Variants in ARFGEF2 observed in about 807,000 individuals in gnomAD.
ARFGEF2 encodes the protein brefeldin A-inhibited guanine nucleotide-exchange protein 2.
In ARFGEF2, 74 loss-of-function variants were observed where a neutral mutation model predicts 219.9. The observed-to-expected ratio is 0.34, with a 90% CI of 0.28 to 0.41. The LOEUF (loss-of-function observed/expected upper bound fraction) is 0.41, where lower values mean the gene tolerates loss of function less well. ARFGEF2 is among the 10% of genes least tolerant of loss of function. The probability of loss-of-function intolerance (pLI) is 1.00; values close to 1 mark genes in which losing one functional copy is unlikely to be tolerated. For missense variants in ARFGEF2, 1,743 were observed against 2,218.3 expected (o/e 0.79, Z 4.30); for synonymous variants, 733 against 799.2 (o/e 0.92, Z 1.40).
intron 6 of ARFGEF2, among the ~76,000 whole-genome samples, chr20:48,958,461 G>A (rs191589966): frequency 1.8e-3 from 279 of 151,270 alleles, no homozygotes; most frequent in Non-Finnish European, 2.8e-3. Flanking sequence ...TTTTGAGACG[G>A]AGTCTCGCTC....
At position 49,013,564 on chromosome 20, in the gene ARFGEF2, G is replaced by A; in HGVS notation, c.3919G>A (p.Val1307Met). Residue 1307 changes from valine (V) to methionine (M), a missense_variant and splice_region_variant, in exon 29 of 39, where the codon GTG becomes ATG. Physicochemically the swap from Val to Met is conservative, Grantham distance 21. This residue lies in a region of ARFGEF2 where 578 missense variants were observed against 664.0 expected (regional missense o/e 0.87). Coordinates refer to ENST00000371917, the MANE Select transcript of ARFGEF2 (RefSeq NM_006420.3). ...CCTGAGATGTGATTTTTCATCCTAG[G>A]TGCTACAAGAATACACAAGTGATGA... Reference protein sequence around the residue: ...CGKYVSERPRVLQEYTSDDMN... With the variant: ...CGKYVSERPRMLQEYTSDDMN... The A allele has an allele frequency of 1.9e-6, 3 of 1,614,020 alleles. No homozygotes were observed. The highest frequency in any genetic ancestry group is 2.5e-6 in the Non-Finnish European group (3 of 1,179,998).
chr20:49,015,878 C>T (rs1330057875), intron 30 of ARFGEF2, among the ~76,000 whole-genome samples: 1 of 152,158 alleles, frequency 6.6e-6, no homozygotes, highest in Non-Finnish European at 1.5e-5. Context: ...TTATGAATTA[C>T]TCTTAGCTCA....
chr20:49,017,202 C>A (rs372131294), intron 31 of ARFGEF2, 47 bp from the exon 32 acceptor site: 6 of 1,603,138 alleles, frequency 3.7e-6, no homozygotes, highest in Non-Finnish European at 5.1e-6. Context: ...TGGTTGGCAT[C>A]AAAATAGCAG....
intron 25 of ARFGEF2, among the ~76,000 whole-genome samples, chr20:49,002,315 T>A (rs2091430241): frequency 6.6e-6 from 1 of 152,200 alleles, no homozygotes; most frequent in African/African-American, 2.4e-5. Context: ...TCAGTAGTGT[T>A]AGGTACACTC....
chr20:48,975,491 T>G (rs2091255637), intron 13 of ARFGEF2, among the ~76,000 whole-genome samples: 1 of 152,114 alleles, frequency 6.6e-6, no homozygotes, highest in African/African-American at 2.4e-5. Flanking sequence ...TTTTACTCTT[T>G]CATGTGAATT....
rs776937023 is a variant in ARFGEF2 at position 48,998,244 on chromosome 20, G to A, written c.3262+11G>A. On this transcript the variant is annotated intron_variant, in intron 24 of 38. Coordinates refer to ENST00000371917, the MANE Select transcript of ARFGEF2 (RefSeq NM_006420.3). ...ATGGAAATGCAATAGGTATGTATTT[G>A]ACTTACCTGTGAAAACTGCAGAAGC... is the stretch of plus-strand genomic sequence containing the variant. 1.2e-6 allele frequency: 2 copies of A among 1,613,776 alleles called. No homozygotes were observed. Among genetic ancestry groups the A allele is most frequent in the Admixed American group, 3.3e-5 (2 of 60,008 alleles).
intron 26 of ARFGEF2, among the ~76,000 whole-genome samples, chr20:49,009,405 G>T (rs892431026): frequency 1.3e-5 from 2 of 151,330 alleles, no homozygotes; most frequent in African/African-American, 4.9e-5. Context: ...AGTCGAGGTC[G>T]CTCTACTGCA....
At chr20:49,012,528 T>C (rs2091506001) in intron 28 of ARFGEF2, among the ~76,000 whole-genome samples, 1 of 152,210 alleles carries the variant, frequency 6.6e-6, no homozygotes, top group Non-Finnish European at 1.5e-5. Flanking sequence ...TTGATGTGTC[T>C]CATCTTTCTA....
intron 23 of ARFGEF2, among the ~76,000 whole-genome samples, chr20:48,996,742 A>T (rs1206806518): frequency 1.6e-5 from 1 of 64,386 alleles, no homozygotes; most frequent in East Asian, 7.3e-4. Context: ...GACTCCGTCT[A>T]AAAAAAAAAA....
intron 5 of ARFGEF2, among the ~76,000 whole-genome samples, chr20:48,953,215 A>C (rs1302147099): frequency 9.1e-6 from 1 of 109,958 alleles, no homozygotes; most frequent in South Asian, 2.6e-4. Flanking sequence ...TTGTTCTGTT[A>C]TCCAAGCTGG....
intron 5 of ARFGEF2, among the ~76,000 whole-genome samples, chr20:48,953,165 T>TC (rs201270570): frequency 2.7e-4 from 40 of 147,174 alleles, no homozygotes; most frequent in African/African-American, 9.5e-4. Context: ...TTTCTTTCTT[T>TC]TTTTTTTTTT....
Position 48,960,293 on chromosome 20 carries a change from C to T in ARFGEF2, c.839-3537C>T, listed in dbSNP as rs546455167. Among the ~76,000 whole-genome samples the T allele has an allele frequency of 2.6e-5, 4 of 152,168 alleles. No homozygotes were observed. In the South Asian group the frequency reaches 8.3e-4, roughly 32 times the overall value. On this transcript the variant is annotated intron_variant, in intron 6 of 38. Coordinates refer to ENST00000371917, the MANE Select transcript of ARFGEF2 (RefSeq NM_006420.3). ...TATTTGAAAAAGTACAGTCACAATG[C>T]AGTACAAAAGATAAAAACTGATATA...
rs2091084380 is a variant in ARFGEF2 at position 48,953,452 on chromosome 20, A to G, written c.604-104A>G. ...CAGCCTTCCAAAGTGCTGAAATTATAGGCGTTAACCACCGCGCCCAGCCCA... is the reference window on the plus strand; with the variant it reads ...CAGCCTTCCAAAGTGCTGAAATTATGGGCGTTAACCACCGCGCCCAGCCCA... On this transcript the variant is annotated intron_variant, in intron 5 of 38. Transcript: ENST00000371917. 3 of 1,044,428 alleles carry G rather than the reference A, an allele frequency of 2.9e-6. No individual in the cohort carries two copies. In the Admixed American group the frequency reaches 5.2e-5, roughly 18 times the overall value. 64.7% of individuals were successfully genotyped at this position (1,044,428 alleles called of 1,614,324 possible). A position where few individuals can be genotyped will look rare whatever the true frequency, so the allele number is the denominator to read the frequency against.
rs1555810077 is a variant in ARFGEF2, at chr20:48,969,145, AGGAATC to A, written c.1062_1067del (p.Glu354_Ser355del). On this transcript the variant is annotated splice_acceptor_variant and coding_sequence_variant, in exon 9 of 39. Coordinates refer to ENST00000371917, the MANE Select transcript of ARFGEF2 (RefSeq NM_006420.3). LOFTEE classifies it high-confidence loss of function. ...CCAGCTGATGTTTGTTTCTGATCCT[AGGAATC>A]GGATGCACAAGGACATCAAGTGGCT... 1 of 1,613,912 alleles carries A rather than the reference AGGAATC, an allele frequency of 6.2e-7. No individual in the cohort carries two copies. The highest frequency in any genetic ancestry group is 8.5e-7 in the Non-Finnish European group (1 of 1,179,932).
chr20:48,963,962 A>C (rs2091171905), intron 7 of ARFGEF2, 64 bp downstream of exon 7: 6 of 1,496,554 alleles, frequency 4.0e-6, no homozygotes, highest in Non-Finnish European at 5.5e-6. Context: ...CCTCAGCAAA[A>C]TATTTTAGTG....
chr20:48,936,055 G>A (rs1435023845), intron 1 of ARFGEF2, among the ~76,000 whole-genome samples: 1 of 145,124 alleles, frequency 6.9e-6, no homozygotes, highest in Admixed American at 6.8e-5. Context: ...TCCCGCATGG[G>A]GCGGCTGGCC....
At chr20:49,003,033 T>C (rs1448555875) in intron 25 of ARFGEF2, among the ~76,000 whole-genome samples, 1 of 149,386 alleles carries the variant, frequency 6.7e-6, no homozygotes, top group Non-Finnish European at 1.5e-5. Flanking sequence ...AGTGGCACCA[T>C]TTTGGCTCAC....
intron 25 of ARFGEF2, among the ~76,000 whole-genome samples, chr20:49,002,771 A>G (rs980884904): frequency 6.7e-6 from 1 of 150,168 alleles, no homozygotes; most frequent in East Asian, 2.0e-4. Context: ...AGCCCTCCCA[A>G]GTAGCTGGGA....
Position 48,985,467 on chromosome 20 carries a change from C to G in ARFGEF2, c.2130C>G (p.Ala710=). ...GGTTCAACAAGGAGGTGATGTATGC[C>G]TACGTGGACCAACTTGACTTCTGTG... is the stretch of plus-strand genomic sequence containing the variant. ...SARFNKEVMY[A]YVDQLDFCEK... is the part of the protein sequence containing the mutation. The change falls in exon 16 of 39, where the codon GCC becomes GCG. Residue 710 remains alanine, a synonymous_variant. Coordinates refer to ENST00000371917, the MANE Select transcript of ARFGEF2 (RefSeq NM_006420.3). 6.2e-7 allele frequency: 1 copy of G among 1,614,184 alleles called. No homozygotes were observed. Among genetic ancestry groups the G allele is most frequent in the Non-Finnish European group, 8.5e-7 (1 of 1,180,038 alleles).
Sources: allele counts gnomAD v4.1 joint callset (sites outside exome capture counted in the v4.1 genomes callset), GRCh38; gene constraint gnomAD v4.1.1; regional missense constraint gnomAD v4.1.1; transcripts MANE v1.5; gene names NCBI Gene and HGNC (gene_info 2026-07-23, HGNC 2026-07-21).